SIN3B: variants seen among roughly 807,000 people sequenced by gnomAD.
SIN3B encodes the protein SIN3 transcription regulator family member B.
Under a neutral mutation model 120.2 loss-of-function variants are expected in SIN3B, and 19 were observed. The ratio of observed to expected loss-of-function variants is 0.16; its 90% CI spans 0.11 to 0.23. The LOEUF (loss-of-function observed/expected upper bound fraction) is 0.23. Among genes scored for constraint, SIN3B ranks in the 10% least tolerant of loss-of-function variants. SIN3B has a pLI of 1.00. For missense variants in SIN3B, 1,073 were observed against 1,573.0 expected (o/e 0.68, Z 5.38); for synonymous variants, 654 against 653.2 (o/e 1.00, Z -0.02).
chr19:16,852,084 A>G (rs1971553043), intron 6 of SIN3B, among the ~76,000 whole-genome samples: 2 of 152,170 alleles, frequency 1.3e-5, no homozygotes, highest in African/African-American at 4.8e-5. Flanking sequence ...TGATGTCCAT[A>G]CTGTTCCAGA....
rs1184533893 is a variant in SIN3B at position 16,853,121 on chromosome 19, A to C, written c.902A>C (p.Lys301Thr). ...TKDLSIAAVGKYGTLQEFSFF... is the reference protein window; with the variant it reads ...TKDLSIAAVGTYGTLQEFSFF... ...GACCTGTCCATCGCTGCAGTGGGGA[A>C]GTACGGGACTCTGCAGGAATTTTCT... The change falls in exon 7 of 19, where the codon AAG becomes ACG. Residue 301 changes from lysine to threonine, a missense_variant. By Grantham distance (78) the Lys-to-Thr change is moderately conservative. Transcript: ENST00000248054. 1 of 1,614,184 alleles carries C rather than the reference A, an allele frequency of 6.2e-7. No individual in the cohort carries two copies. The highest frequency in any genetic ancestry group is 2.2e-5 in the East Asian group (1 of 44,874).
chr19:16,858,764 A>G lies in SIN3B; in HGVS notation c.1059-3588A>G, dbSNP rs369922124. On this transcript the variant is annotated intron_variant, in intron 8 of 18. Transcript: ENST00000248054. ...CAGGAGTTCAAGACCAGCGTAACCAATATGGTGAAACCCCTTCTCTACTAA... is the reference window on the plus strand; with the variant it reads ...CAGGAGTTCAAGACCAGCGTAACCAGTATGGTGAAACCCCTTCTCTACTAA... Among the ~76,000 whole-genome samples the G allele has an allele frequency of 3.3e-5, 5 of 152,210 alleles. No individual in the cohort carries two copies. In the South Asian group the frequency reaches 6.2e-4, roughly 19 times the overall value.
intron 8 of SIN3B, among the ~76,000 whole-genome samples, chr19:16,860,411 T>G (rs960754634): frequency 4.6e-5 from 7 of 152,130 alleles, no homozygotes; most frequent in African/African-American, 1.7e-4. Flanking sequence ...GCTTTTTTGT[T>G]GGTCTCTTTC....
rs1373951064 is a variant in SIN3B at position 16,878,672 on chromosome 19, G to A, written c.3338G>A (p.Gly1113Asp). Residue 1113 changes from glycine (G) to aspartate (D), a missense_variant, in exon 19 of 19, where the codon GGC (glycine) becomes GAC (aspartate). Transcript: ENST00000248054. ...KTLCETVHVH[G>D]LPVTRYRVQY... The stretch of plus-strand genomic sequence containing the variant: ...CTGTGTGAGACAGTGCACGTGCACG[G>A]CCTGCCCGTGACCCGCTACCGCGTG... 1.9e-6 allele frequency: 3 copies of A among 1,612,716 alleles called. No homozygotes were observed. In the South Asian group the frequency reaches 3.3e-5, roughly 18 times the overall value.
chr19:16,869,364 C>T, intron 12 of SIN3B, 96 bp from the exon 13 acceptor site: 1 of 1,452,178 alleles, frequency 6.9e-7, no homozygotes, highest in South Asian at 1.4e-5. Context: ...GCTCATCCAC[C>T]TTGGTGGCCC....
chr19:16,876,199 C>T lies in SIN3B; in HGVS notation c.2737C>T (p.Arg913Cys), dbSNP rs753294158. 5.0e-6 allele frequency: 8 copies of T among 1,612,158 alleles called. No individual in the cohort carries two copies. Among genetic ancestry groups the T allele is most frequent in the Admixed American group, 3.3e-5 (2 of 59,968 alleles). Reference sequence around the variant, plus strand: ...GACCAGCTACCAGTGGAAGGCTGAGCGCTGCATGGCCGACGAGAACTGCTT... The same window carrying T: ...GACCAGCTACCAGTGGAAGGCTGAGTGCTGCATGGCCGACGAGAACTGCTT... The part of the protein sequence containing the change: ...RETSYQWKAE[R>C]CMADENCFKV... Residue 913 changes from arginine (R) to cysteine (C), a missense_variant, in exon 15 of 19, where the codon CGC becomes TGC. Physicochemically the swap from Arg to Cys is radical, Grantham distance 180. Coordinates refer to ENST00000248054, the MANE Select transcript of SIN3B (RefSeq NM_001297595.2). This position sits in a 1 kb window ranked among gnomAD's most constrained non-coding sequence, Gnocchi z 7.1.
In SIN3B at chr19:16,868,886, G is replaced by A. The variant is rs367850214; in HGVS notation, c.1807-574G>A. On this transcript the variant is annotated intron_variant, in intron 12 of 18. Transcript: ENST00000248054. The stretch of plus-strand genomic sequence containing the variant: ...ACAGCAGCGGAGGCGGGGGCTTGGT[G>A]ACGATGGGCGTGCAGGTCTTCAGAT... Among the ~76,000 whole-genome samples the A allele has an allele frequency of 2.0e-5, 3 of 152,170 alleles. No individual in the cohort carries two copies. The East Asian group carries it at 5.8e-4, about 29-fold the overall frequency.
chr19:16,860,747 G>A (rs930439565), intron 8 of SIN3B, among the ~76,000 whole-genome samples: 4 of 151,834 alleles, frequency 2.6e-5, no homozygotes, highest in Non-Finnish European at 5.9e-5. Flanking sequence ...GACTACAGGC[G>A]CCCGCCACCA....
intron 4 of SIN3B, among the ~76,000 whole-genome samples, chr19:16,845,300 G>T (rs1971465251): frequency 6.6e-6 from 1 of 152,068 alleles, no homozygotes; most frequent in Non-Finnish European, 1.5e-5. Flanking sequence ...TTTTTGAGAC[G>T]GAGTCTCTTT....
At chr19:16,846,775 C>A (rs140036161) in intron 4 of SIN3B, among the ~76,000 whole-genome samples, 195 bp from the exon 5 acceptor site, 1 of 152,162 alleles carries the variant, frequency 6.6e-6, no homozygotes, top group South Asian at 2.1e-4. Context: ...TACTCCTGGA[C>A]GGGACCTGCC....
rs1971709912 is a variant in SIN3B, at chr19:16,862,972, G to T, written c.1266+413G>T. ...AATACCTGCTGGATTCCAGGATATA[G>T]TGCAGGGGTCAGCAAACTCTGGCCC... On this transcript the variant is annotated intron_variant, in intron 9 of 18. Coordinates refer to ENST00000248054, the MANE Select transcript of SIN3B (RefSeq NM_001297595.2). This position sits in a 1 kb window ranked among gnomAD's most constrained non-coding sequence, Gnocchi z 4.7. 6.2e-7 allele frequency: 1 copy of T among 1,613,796 alleles called. No homozygotes were observed. Among genetic ancestry groups the T allele is most frequent in the Non-Finnish European group, 8.5e-7 (1 of 1,179,628 alleles).
chr19:16,859,318 C>T (rs959266061), intron 8 of SIN3B, among the ~76,000 whole-genome samples: 4 of 152,058 alleles, frequency 2.6e-5, no homozygotes, highest in East Asian at 1.9e-4. Flanking sequence ...TGCTGGGCTT[C>T]GGTGTGTATT....
intron 8 of SIN3B, chr19:16,855,302 A>G (rs1971597122): frequency 7.3e-6 from 1 of 136,532 alleles, no homozygotes. Flanking sequence ...CCTGGCAACT[A>G]CTTATCTGTT....
intron 12 of SIN3B, among the ~76,000 whole-genome samples, chr19:16,868,727 T>C (rs1971813295): frequency 6.6e-6 from 1 of 152,068 alleles, no homozygotes; most frequent in Non-Finnish European, 1.5e-5. Context: ...AGGGCATTAG[T>C]TGGGGTGACC....
chr19:16,854,537 C>G, intron 8 of SIN3B: 1 of 353,922 alleles, frequency 2.8e-6, no homozygotes, highest in Non-Finnish European at 5.1e-6. Context: ...TCATTTAACA[C>G]TGTTTTAACA....
intron 14 of SIN3B, among the ~76,000 whole-genome samples, chr19:16,874,515 G>C (rs1341950810): frequency 6.8e-6 from 1 of 147,338 alleles, no homozygotes; most frequent in South Asian, 2.1e-4. Context: ...GTCTGATTTG[G>C]TCTGCTCTGA....
In SIN3B at chr19:16,854,187, C is replaced by T; in HGVS notation, c.984C>T (p.Leu328=). Residue 328 remains leucine (L), a synonymous_variant, in exon 8 of 19, where the codon CTC becomes CTT. Transcript: ENST00000248054. ...LKSQEVYENF[L]RCIALFNQEL... is the part of the protein sequence containing the mutation. ...GCCAGGAGGTGTATGAAAACTTCCT[C>T]CGCTGCATCGCACTCTTCAACCAGG... The T allele has an allele frequency of 1.2e-6, 2 of 1,612,830 alleles. No individual in the cohort carries two copies. Among genetic ancestry groups the T allele is most frequent in the Non-Finnish European group, 1.7e-6 (2 of 1,179,968 alleles).
intron 14 of SIN3B, 94 bp downstream of exon 14, chr19:16,871,492 A>G (rs1025664170): frequency 1.7e-6 from 2 of 1,175,528 alleles, no homozygotes; most frequent in Admixed American, 2.7e-5. Context: ...CGTGGTCAGC[A>G]CAGCAAACCT....
rs1422780723 is a variant in SIN3B at position 16,831,706 on chromosome 19, A to C, written c.381+59A>C. 4 of 1,527,878 alleles carry C rather than the reference A, an allele frequency of 2.6e-6. No homozygotes were observed. In the African/African-American group the frequency reaches 5.5e-5, roughly 21 times the overall value. The allele number at this position is 1,527,878 out of a possible 1,614,324, so 94.6% of individuals were successfully genotyped here. ...CTTCACCGAGTATGTCTTGCTACTC[A>C]GGTTGGGCCACGTGTCTCTCCTGTA... On this transcript the variant is annotated intron_variant, in intron 3 of 18. Coordinates refer to ENST00000248054, the MANE Select transcript of SIN3B (RefSeq NM_001297595.2).
Sources: gnomAD v4.1 joint callset for allele counts (sites outside exome capture counted in the v4.1 genomes callset) on GRCh38, gnomAD v4.1.1 for gene constraint, Gnocchi (gnomAD v3.1) non-coding constraint, MANE v1.5 for transcripts, NCBI Gene and HGNC (gene_info 2026-07-23, HGNC 2026-07-21) for gene names.